ACO2: variants seen among roughly 807,000 people sequenced by gnomAD.
ACO2 encodes aconitate hydratase, mitochondrial.
A neutral mutation model predicts 84.5 loss-of-function variants in ACO2; 31 were observed. The ratio of observed to expected loss-of-function variants is 0.37; its 90% CI spans 0.28 to 0.50. ACO2 has a LOEUF of 0.50. ACO2 is among the 20% of genes least tolerant of loss of function. ACO2 has a pLI of 0.97. For synonymous variants in ACO2, 414 were observed against 412.7 expected, an observed-to-expected ratio of 1.00 and a Z score of -0.04; for missense variants, 685 against 1,029.3, an observed-to-expected ratio of 0.67 and a Z score of 4.58.
At chr22:41,527,776 C>T (rs1447222492) in intron 16 of ACO2, 125 bp from the exon 17 acceptor site, 2 of 1,501,082 alleles carry the variant, frequency 1.3e-6, no homozygotes, top group African/African-American at 2.8e-5. Context: ...GCCCCATAGT[C>T]ACTGCCCGGG....
intron 1 of ACO2, among the ~76,000 whole-genome samples, chr22:41,491,002 G>C (rs2146096078): frequency 6.6e-6 from 1 of 152,054 alleles, no homozygotes; most frequent in Admixed American, 6.6e-5. Flanking sequence ...AAGTCAAGGA[G>C]AGGTAAAGGG....
intron 1 of ACO2, among the ~76,000 whole-genome samples, chr22:41,482,639 G>A (rs149471597): frequency 1.3e-5 from 2 of 152,328 alleles, no homozygotes; most frequent in Non-Finnish European, 2.9e-5. Flanking sequence ...GTGATTTGAA[G>A]GGCTGGTTGT....
Position 41,507,813 on chromosome 22 carries a change from T to A in ACO2, c.196T>A (p.Ser66Thr), listed in dbSNP as rs2146115662. The change falls in exon 3 of 18, where the codon TCG becomes ACG. Residue 66 changes from serine (S) to threonine (T), a missense_variant. Physicochemically the swap from Ser to Thr is moderately conservative, Grantham distance 58. This residue lies in a region of ACO2 where 98 missense variants were observed against 107.6 expected (regional missense o/e 0.91). Coordinates refer to ENST00000216254, the MANE Select transcript of ACO2 (RefSeq NM_001098.3). ...CAGACTGAACCGGCCGCTGACACTC[T>A]CGGAGAAGATTGTGTATGGACACCT... ...RKRLNRPLTL[S>T]EKIVYGHLDD... 1 of 1,614,094 alleles carries A rather than the reference T, an allele frequency of 6.2e-7. No individual in the cohort carries two copies. Among genetic ancestry groups the A allele is most frequent in the South Asian group, 1.1e-5 (1 of 91,070 alleles).
At chr22:41,487,652 G>A (rs1037898089) in intron 1 of ACO2, among the ~76,000 whole-genome samples, 1 of 152,038 alleles carries the variant, frequency 6.6e-6, no homozygotes. Context: ...AATTCTTGGT[G>A]ATCTGGGGTC....
At chr22:41,519,478 G>A (rs2066503952) in intron 8 of ACO2, among the ~76,000 whole-genome samples, 1 of 152,148 alleles carries the variant, frequency 6.6e-6, no homozygotes, top group Admixed American at 6.5e-5. Context: ...ATTATGATAT[G>A]TAAAGCGTCT....
In ACO2 at chr22:41,469,281, G is replaced by A. The variant is rs538181574; in HGVS notation, c.36+99G>A. On this transcript the variant is annotated intron_variant, in intron 1 of 17. Transcript: ENST00000216254. ...CAGGGCGAGGCGGGCCCAACCTGGG[G>A]CCAACTTCTCGTGTACCTGTCCCGG... 5.9e-4 allele frequency: 848 copies of A among 1,430,270 alleles called. 1 individual carries two copies. The highest frequency in any genetic ancestry group is 7.5e-4 in the Non-Finnish European group (788 of 1,052,890). The allele number at this position is 1,430,270 out of a possible 1,614,324, so 88.6% of individuals were successfully genotyped here.
chr22:41,475,169 CTTTT>C (rs1161178390), intron 1 of ACO2, among the ~76,000 whole-genome samples: 2 of 120,252 alleles, frequency 1.7e-5, no homozygotes, highest in African/African-American at 3.2e-5. Context: ...TTGTTTTTTC[CTTTT>C]TTTTTTTTTT....
At position 41,526,356 on chromosome 22, in the gene ACO2, T is replaced by C. The variant is rs1010431041; in HGVS notation, c.1856T>C (p.Ile619Thr). The change falls in exon 15 of 18, where the codon ATT becomes ACT. Residue 619 changes from isoleucine (I) to threonine (T), a missense_variant. Around this residue, in one of 5 missense-constraint regions of ACO2, gnomAD observed 174 missense variants for 236.6 expected, o/e 0.74. Coordinates refer to ENST00000216254, the MANE Select transcript of ACO2 (RefSeq NM_001098.3). ...GATAACATCTCCAACAACCTGCTCATTGGTGCCATCAACATTGAAAACGGC... is the reference window on the plus strand; with the variant it reads ...GATAACATCTCCAACAACCTGCTCACTGGTGCCATCAACATTGAAAACGGC... Reference protein sequence around the residue: ...HLDNISNNLLIGAINIENGKA... With the variant: ...HLDNISNNLLTGAINIENGKA... The C allele has an allele frequency of 1.2e-6, 2 of 1,613,542 alleles. No homozygotes were observed. The highest frequency in any genetic ancestry group is 2.7e-5 in the African/African-American group (2 of 74,940).
intron 2 of ACO2, among the ~76,000 whole-genome samples, chr22:41,503,386 A>G (rs563927518): frequency 2.1e-4 from 32 of 151,946 alleles, no homozygotes; most frequent in Admixed American, 5.9e-4. Flanking sequence ...GCTGGAGTAC[A>G]GTGGAACGAT....
At chr22:41,521,879 G>A (rs1262922385) in intron 9 of ACO2, among the ~76,000 whole-genome samples, 1 of 151,672 alleles carries the variant, frequency 6.6e-6, no homozygotes, top group African/African-American at 2.4e-5. Flanking sequence ...GGTTCAAGCA[G>A]TTCTGCCTCA....
At chr22:41,510,643 G>T (rs1020751396) in intron 3 of ACO2, among the ~76,000 whole-genome samples, 3 of 152,204 alleles carry the variant, frequency 2.0e-5, no homozygotes, top group Non-Finnish European at 4.4e-5. Flanking sequence ...TTGAGACTCA[G>T]TAGAGTCCAC....
chr22:41,516,467 G>A (rs2066476830), intron 6 of ACO2, among the ~76,000 whole-genome samples: 1 of 152,210 alleles, frequency 6.6e-6, no homozygotes, highest in Non-Finnish European at 1.5e-5. Context: ...CAGAAATCCA[G>A]GGAGATTTGT....
chr22:41,516,939 A>G (rs994224620), intron 6 of ACO2, among the ~76,000 whole-genome samples: 10 of 151,894 alleles, frequency 6.6e-5, no homozygotes, highest in Non-Finnish European at 1.5e-4. Flanking sequence ...CATGTTGGCC[A>G]GGCTGGTCTC....
At chr22:41,503,335 C>CT (rs1375503092) in intron 2 of ACO2, among the ~76,000 whole-genome samples, 14 of 149,402 alleles carry the variant, frequency 9.4e-5, no homozygotes, top group South Asian at 2.1e-4. Flanking sequence ...TCTCTGTTTT[C>CT]TTTTTTTTTG....
intron 2 of ACO2, 25 bp downstream of exon 2, chr22:41,499,887 G>C: frequency 6.2e-7 from 1 of 1,612,630 alleles, no homozygotes; most frequent in Non-Finnish European, 8.5e-7. Flanking sequence ...GGGAGGCTGT[G>C]ACTGTCAAGG....
chr22:41,502,159 T>C (rs1225587876), intron 2 of ACO2, among the ~76,000 whole-genome samples: 4 of 152,136 alleles, frequency 2.6e-5, no homozygotes, highest in Non-Finnish European at 5.9e-5. Context: ...CTGGGCTCCA[T>C]GTTAGAATCA....
chr22:41,490,829 G>A (rs954938007), intron 1 of ACO2, among the ~76,000 whole-genome samples: 1 of 152,090 alleles, frequency 6.6e-6, no homozygotes, highest in African/African-American at 2.4e-5. Context: ...GAAAGTAGAA[G>A]CAACATCCCT....
At chr22:41,473,211 T>C (rs2037966813) in intron 1 of ACO2, among the ~76,000 whole-genome samples, 1 of 152,172 alleles carries the variant, frequency 6.6e-6, no homozygotes, top group African/African-American at 2.4e-5. Context: ...CACAGTGTTC[T>C]TTGAAAGCTT....
intron 6 of ACO2, 179 bp downstream of exon 6, chr22:41,516,096 A>AT: frequency 1.3e-6 from 1 of 777,256 alleles, no homozygotes; most frequent in East Asian, 2.7e-5. Flanking sequence ...TCTAGTCCAC[A>AT]TCCTCATTAA....
Sources: allele counts gnomAD v4.1 joint callset (sites outside exome capture counted in the v4.1 genomes callset), GRCh38; gene constraint gnomAD v4.1.1; regional missense constraint gnomAD v4.1.1; transcripts MANE v1.5; gene names NCBI Gene and HGNC (gene_info 2026-07-23, HGNC 2026-07-21).